The following ADGRF5 variants were observed in gnomAD, a reference collection of about 807,000 sequenced individuals.
ADGRF5 encodes the protein adhesion G protein-coupled receptor F5.
ADGRF5 carries 75 observed loss-of-function variants against 132.3 expected under a neutral mutation model. That is an observed-to-expected ratio of 0.57 (90% CI 0.47 to 0.69). ADGRF5 has a LOEUF of 0.69. Among genes scored for constraint, ADGRF5 ranks in the 30% least tolerant of loss-of-function variants. The probability of loss-of-function intolerance (pLI) is 0.00; values close to 1 mark genes in which losing one functional copy is unlikely to be tolerated. For missense variants in ADGRF5, 1,516 were observed against 1,630.6 expected (o/e 0.93, Z 1.21); for synonymous variants, 629 against 597.6 (o/e 1.05, Z -0.77).
At chr6:46,857,770 C>T (rs1311165520) in intron 17 of ADGRF5, among the ~76,000 whole-genome samples, 1 of 60,578 alleles carries the variant, frequency 1.7e-5, no homozygotes, top group East Asian at 1.1e-3. Flanking sequence ...TAGTGATGAA[C>T]AAGAAAGGGG....
intron 10 of ADGRF5, among the ~76,000 whole-genome samples, chr6:46,874,719 A>AG (rs1271286465): frequency 1.3e-5 from 2 of 152,092 alleles, no homozygotes; most frequent in Admixed American, 6.5e-5. Flanking sequence ...GGCTGTGTTG[A>AG]GGGGGGTGGA....
At chr6:46,890,140 T>C (rs958242653) in intron 3 of ADGRF5, among the ~76,000 whole-genome samples, 1 of 152,084 alleles carries the variant, frequency 6.6e-6, no homozygotes, top group African/African-American at 2.4e-5. Context: ...TCGCCCAGGC[T>C]GGAGTGTAGT....
intron 1 of ADGRF5, among the ~76,000 whole-genome samples, chr6:46,953,841 G>A (rs185754576): frequency 2.8e-3 from 430 of 151,596 alleles, no homozygotes; most frequent in Middle Eastern, 6.8e-3. Flanking sequence ...GAAAAGAATA[G>A]TAAATGTTCA....
intron 16 of ADGRF5, among the ~76,000 whole-genome samples, chr6:46,859,763 C>G (rs1769510768): frequency 6.6e-6 from 1 of 152,010 alleles, no homozygotes; most frequent in Non-Finnish European, 1.5e-5. Flanking sequence ...AGAGTCACAC[C>G]CACTACACAC....
intron 3 of ADGRF5, among the ~76,000 whole-genome samples, chr6:46,896,037 C>T (rs1172420899): frequency 1.3e-5 from 2 of 152,122 alleles, no homozygotes; most frequent in East Asian, 1.9e-4. Context: ...ATGTCTTTGG[C>T]GAGCATTTCC....
chr6:46,911,725 C>G (rs1775968606), intron 1 of ADGRF5, among the ~76,000 whole-genome samples: 1 of 152,060 alleles, frequency 6.6e-6, no homozygotes. Context: ...ATTCCCTTAT[C>G]TATTCATTTG....
At chr6:46,892,698 C>T (rs899749174) in intron 3 of ADGRF5, among the ~76,000 whole-genome samples, 9 of 151,926 alleles carry the variant, frequency 5.9e-5, no homozygotes, top group Admixed American at 1.3e-4. Flanking sequence ...TGCAGTGAGC[C>T]GAGATTGCGC....
chr6:46,920,531 G>GA (rs1554212997), intron 1 of ADGRF5, among the ~76,000 whole-genome samples: 1 of 134,786 alleles, frequency 7.4e-6, no homozygotes, highest in African/African-American at 2.7e-5. Flanking sequence ...ATATTTGGGG[G>GA]GGGGGAAGAG....
Position 46,884,236 on chromosome 6 carries a change from A to G in ADGRF5, c.364T>C (p.Cys122Arg). 1.9e-6 allele frequency: 3 copies of G among 1,614,018 alleles called. No individual in the cohort carries two copies. Among genetic ancestry groups the G allele is most frequent in the Non-Finnish European group, 2.5e-6 (3 of 1,179,848 alleles). Residue 122 changes from cysteine (C) to arginine (R), a missense_variant, in exon 5 of 21, where the codon TGC (cysteine) becomes CGC (arginine). Transcript: ENST00000283296. ...RPAGNEIWCS[C>R]ETGYGWPRER... ...CGAGGCCACCCATAACCTGTCTCGC[A>G]GGAGCACCAGATTTCATTTCCAGCA...
At chr6:46,922,695 A>T (rs567244509), upstream of ADGRF5, among the ~76,000 whole-genome samples, 1 of 151,716 alleles carries the variant, frequency 6.6e-6, no homozygotes, top group East Asian at 1.9e-4. Context: ...ATGCTGTTTG[A>T]CTCTCTACTC....
chr6:46,953,685 ATATATC>A (rs1554131448), intron 1 of ADGRF5, among the ~76,000 whole-genome samples: 6 of 126,954 alleles, frequency 4.7e-5, no homozygotes, highest in Admixed American at 1.7e-4. Flanking sequence ...ATATATATAT[ATATATC>A]TCACTGACAG....
intron 1 of ADGRF5, among the ~76,000 whole-genome samples, chr6:46,929,297 A>T (rs953507574): frequency 6.6e-6 from 1 of 152,000 alleles, no homozygotes; most frequent in Non-Finnish European, 1.5e-5. Context: ...AACAATGAGA[A>T]CACATGGACA....
At chr6:46,904,164 G>A (rs1161821891) in intron 2 of ADGRF5, among the ~76,000 whole-genome samples, 1 of 152,108 alleles carries the variant, frequency 6.6e-6, no homozygotes, top group African/African-American at 2.4e-5. Context: ...AAGGTCTCTG[G>A]GCAGATCCAT....
At chr6:46,933,983 G>C (rs778903733) in intron 1 of ADGRF5, among the ~76,000 whole-genome samples, 1 of 152,098 alleles carries the variant, frequency 6.6e-6, no homozygotes, top group African/African-American at 2.4e-5. Flanking sequence ...AGTTTCTTCC[G>C]GAATTCCTCA....
chr6:46,900,915 A>G (rs1774698414), intron 2 of ADGRF5, among the ~76,000 whole-genome samples: 1 of 152,228 alleles, frequency 6.6e-6, no homozygotes, highest in Non-Finnish European at 1.5e-5. Flanking sequence ...AAATGTCTGT[A>G]TGACCTTGGG....
intron 11 of ADGRF5, among the ~76,000 whole-genome samples, 190 bp downstream of exon 11, chr6:46,871,653 A>G (rs1771074948): frequency 1.3e-5 from 2 of 152,154 alleles, no homozygotes; most frequent in African/African-American, 4.8e-5. Flanking sequence ...AATTGTTAAA[A>G]GACTCCCTCT....
In ADGRF5 at chr6:46,857,015, C is replaced by T. The variant is rs954239729; in HGVS notation, c.3775-107G>A. The T allele has an allele frequency of 1.4e-5, 12 of 866,220 alleles. No homozygotes were observed. The African/African-American group carries it at 1.5e-4, about 11-fold the overall frequency. 53.7% of individuals were successfully genotyped at this position (866,220 alleles called of 1,614,324 possible). On this transcript the variant is annotated intron_variant, in intron 17 of 20. Transcript: ENST00000283296. ...GTTAAATTTGTACTACTTCTTTTTC[C>T]TTCTGAGTTTATGGAATGAGTCCAG...
In ADGRF5 at chr6:46,858,450, C is replaced by A; in HGVS notation, c.3453G>T (p.Gln1151His). ...AISVITLGAT[Q>H]PREVYTRKNV... ...TCTTCCTCGTATAGACTTCCCGGGGCTGGGTGGCTCCCAGCGTGATGACCG... is the reference window on the plus strand; with the variant it reads ...TCTTCCTCGTATAGACTTCCCGGGGATGGGTGGCTCCCAGCGTGATGACCG... Residue 1151 changes from glutamine to histidine, a missense_variant, in exon 17 of 21, where the codon CAG (glutamine) becomes CAT (histidine). This residue lies in a region of ADGRF5 where 571 missense variants were observed against 701.2 expected (regional missense o/e 0.81). Coordinates refer to ENST00000283296, the MANE Select transcript of ADGRF5 (RefSeq NM_001098518.2). 1 of 1,613,922 alleles carries A rather than the reference C, an allele frequency of 6.2e-7. No individual in the cohort carries two copies. The highest frequency in any genetic ancestry group is 1.3e-5 in the African/African-American group (1 of 75,006).
intron 4 of ADGRF5, chr6:46,888,023 T>C (rs964096409): frequency 5.9e-5 from 14 of 237,536 alleles, no homozygotes; most frequent in African/African-American, 2.5e-4. Flanking sequence ...GTAGTTTATC[T>C]GCCCAAGGGA....
Sources: allele counts gnomAD v4.1 joint callset (sites outside exome capture counted in the v4.1 genomes callset), GRCh38; gene constraint gnomAD v4.1.1; regional missense constraint gnomAD v4.1.1; transcripts MANE v1.5; gene names NCBI Gene and HGNC (gene_info 2026-07-23, HGNC 2026-07-21).